The following GRID1 variants were observed in gnomAD, a reference collection of about 807,000 sequenced individuals.
The protein encoded by GRID1 is glutamate receptor ionotropic, delta-1.
In GRID1, 28 loss-of-function variants were observed where a neutral mutation model predicts 98.0. That is an observed-to-expected ratio of 0.29 (90% CI 0.21 to 0.39). The LOEUF is 0.39. GRID1 is among the 10% of genes least tolerant of loss of function. GRID1 has a pLI of 1.00. For synonymous variants in GRID1, 553 were observed against 538.5 expected (o/e 1.03, Z -0.37); for missense variants, 1,111 against 1,340.5 (o/e 0.83, Z 2.67).
intron 15 of GRID1, among the ~76,000 whole-genome samples, chr10:85,603,129 C>T (rs1470519737): frequency 6.6e-6 from 1 of 152,218 alleles, no homozygotes; most frequent in Admixed American, 6.5e-5. Context: ...GATGAAAAGA[C>T]TTTGTATGAT....
Position 85,613,657 on chromosome 10 carries a change from ACAAT to A in GRID1, c.2361-14_2361-11del, listed in dbSNP as rs1318295987. 6.2e-7 allele frequency: 1 copy of A among 1,610,508 alleles called. No individual in the cohort carries two copies. The highest frequency in any genetic ancestry group is 2.2e-5 in the East Asian group (1 of 44,792). ...CTGCAGCTCCAGGATCCTGTAAGAC[ACAAT>A]CAAGGTGAGCTATAGCCACTGACGT... is the stretch of plus-strand genomic sequence containing the variant. On this transcript the variant is annotated splice_polypyrimidine_tract_variant and intron_variant, in intron 14 of 15. Transcript: ENST00000327946.
At chr10:86,022,899 C>A (rs1843068154) in intron 4 of GRID1, among the ~76,000 whole-genome samples, 1 of 146,510 alleles carries the variant, frequency 6.8e-6, no homozygotes, top group African/African-American at 2.5e-5. Context: ...GCCTGGGTGA[C>A]AGAGCGAGAC....
intron 13 of GRID1, among the ~76,000 whole-genome samples, chr10:85,634,291 T>TCTCTCTCTCTCTCTCTCTCACA (rs1162030685): frequency 9.7e-6 from 1 of 102,952 alleles, no homozygotes; most frequent in South Asian, 3.0e-4. Flanking sequence ...TCTCTCTCTC[T>TCTCTCTCTCTCTCTCTCTCACA]CACACACACA....
intron 2 of GRID1, among the ~76,000 whole-genome samples, chr10:86,333,049 C>T (rs1402369973): frequency 2.6e-5 from 4 of 152,300 alleles, no homozygotes; most frequent in African/African-American, 9.6e-5. Context: ...AGTATGAGGT[C>T]CAGCTCCTGC....
intron 8 of GRID1, among the ~76,000 whole-genome samples, chr10:85,840,754 T>C (rs1842953980): frequency 6.6e-6 from 1 of 151,910 alleles, no homozygotes; most frequent in South Asian, 2.1e-4. Context: ...ACAAAAAGAA[T>C]AAAATACCAA....
At chr10:86,351,053 T>G (rs1848455094) in intron 2 of GRID1, among the ~76,000 whole-genome samples, 1 of 152,250 alleles carries the variant, frequency 6.6e-6, no homozygotes, top group South Asian at 2.1e-4. Context: ...CCTCTGCTTT[T>G]GAACAGGCAA....
intron 8 of GRID1, among the ~76,000 whole-genome samples, chr10:85,758,439 C>T (rs1282509371): frequency 1.3e-5 from 2 of 152,124 alleles, no homozygotes; most frequent in African/African-American, 4.8e-5. Flanking sequence ...GGTTTAGGAG[C>T]TCATCAGAGG....
At chr10:85,863,645 G>A (rs1343342163) in intron 6 of GRID1, among the ~76,000 whole-genome samples, 1 of 152,156 alleles carries the variant, frequency 6.6e-6, no homozygotes, top group African/African-American at 2.4e-5. Flanking sequence ...GAAGTGTGTT[G>A]AGCTCCTCAG....
chr10:85,693,565 G>A (rs1184979374), intron 12 of GRID1, among the ~76,000 whole-genome samples: 1 of 151,868 alleles, frequency 6.6e-6, no homozygotes, highest in Non-Finnish European at 1.5e-5. Context: ...AAAAACAGCA[G>A]GGTACTGGTA....
rs1220249442 is a variant in GRID1 at position 85,599,788 on chromosome 10, T to TAAAAAAAAAAAA, written c.*2473_*2484dup. 1 of 76,110 alleles carries TAAAAAAAAAAAA rather than the reference T, an allele frequency of 1.3e-5. No individual in the cohort carries two copies. Among genetic ancestry groups the TAAAAAAAAAAAA allele is most frequent in the African/African-American group, 8.5e-5 (1 of 11,734 alleles). 4.7% of individuals were successfully genotyped at this position (76,110 alleles called of 1,614,324 possible). A position where few individuals can be genotyped will look rare whatever the true frequency, so the allele number is the denominator to read the frequency against. ...CCCTCATGCCAAGGGTAGAAAATTCTAAAAAAAAAAAAAAATATATATATA... is the reference window on the plus strand; with the variant it reads ...CCCTCATGCCAAGGGTAGAAAATTCTAAAAAAAAAAAAAAAAAAAAAAAAAAATATATATATA... On this transcript the variant is annotated 3_prime_UTR_variant, in exon 16 of 16. Transcript: ENST00000327946.
chr10:86,102,324 T>C (rs1027846564), intron 4 of GRID1, among the ~76,000 whole-genome samples: 1 of 152,146 alleles, frequency 6.6e-6, no homozygotes, highest in Non-Finnish European at 1.5e-5. Flanking sequence ...TGAGAAGTAA[T>C]CAGAATCCAG....
At chr10:85,617,952 G>A (rs762541703) in intron 14 of GRID1, among the ~76,000 whole-genome samples, 1 of 152,096 alleles carries the variant, frequency 6.6e-6, no homozygotes, top group Non-Finnish European at 1.5e-5. Flanking sequence ...CCACACAAAG[G>A]ACATCTCACT....
intron 8 of GRID1, among the ~76,000 whole-genome samples, chr10:85,747,413 C>A (rs927163464): frequency 1.3e-5 from 2 of 152,120 alleles, no homozygotes; most frequent in African/African-American, 4.8e-5. Flanking sequence ...TTGACACAAT[C>A]CTGAGGTCAG....
chr10:86,014,504 G>C (rs189357716), intron 4 of GRID1, among the ~76,000 whole-genome samples: 5 of 152,320 alleles, frequency 3.3e-5, no homozygotes, highest in African/African-American at 9.6e-5. Flanking sequence ...AGGCCCTGGA[G>C]CCACAAGAAA....
chr10:86,262,973 A>G (rs1847042160), intron 2 of GRID1, among the ~76,000 whole-genome samples: 1 of 149,700 alleles, frequency 6.7e-6, no homozygotes, highest in Admixed American at 6.6e-5. Context: ...TTTGTGGGAA[A>G]CCAGGGCTCA....
intron 2 of GRID1, among the ~76,000 whole-genome samples, chr10:86,339,886 G>A (rs1175666935): frequency 6.6e-6 from 1 of 152,208 alleles, no homozygotes; most frequent in Non-Finnish European, 1.5e-5. Flanking sequence ...AGGTGAACGA[G>A]CAACAACAAG....
intron 13 of GRID1, among the ~76,000 whole-genome samples, chr10:85,636,657 A>C (rs769997822): frequency 2.0e-5 from 3 of 152,212 alleles, no homozygotes; most frequent in Non-Finnish European, 2.9e-5. Flanking sequence ...AGGAACAAAA[A>C]ATCACAATGA....
At chr10:86,125,106 G>C (rs982620115) in intron 4 of GRID1, among the ~76,000 whole-genome samples, 6 of 152,228 alleles carry the variant, frequency 3.9e-5, no homozygotes, top group African/African-American at 1.4e-4. Flanking sequence ...GCATGGACAG[G>C]CTCCCTGGAC....
chr10:86,289,315 A>G (rs138122278), intron 2 of GRID1, among the ~76,000 whole-genome samples: 23 of 152,302 alleles, frequency 1.5e-4, no homozygotes, highest in African/African-American at 4.8e-4. Context: ...ACTGCTGGCA[A>G]GGTCATCCCT....
Sources: gnomAD v4.1 joint callset for allele counts (sites outside exome capture counted in the v4.1 genomes callset) on GRCh38, gnomAD v4.1.1 for gene constraint, MANE v1.5 for transcripts, NCBI Gene and HGNC (gene_info 2026-07-23, HGNC 2026-07-21) for gene names.